HPSE2: variants seen among roughly 807,000 people sequenced by gnomAD.
HPSE2 encodes heparanase 2 (inactive), also known as inactive heparanase-2.
Under a neutral mutation model 60.5 loss-of-function variants are expected in HPSE2, and 38 were observed. That is an observed-to-expected ratio of 0.63 (90% confidence interval 0.48 to 0.82). The LOEUF is 0.82. Among genes scored for constraint, HPSE2 ranks in the 40% least tolerant of loss-of-function variants. The pLI, the probability that HPSE2 is intolerant of heterozygous loss-of-function variation, is 0.00. For missense variants in HPSE2, 713 were observed against 740.4 expected (o/e 0.96, Z 0.43); for synonymous variants, 295 against 293.2 (o/e 1.01, Z -0.06).
At chr10:98,493,362 A>G (rs1333160033) in intron 9 of HPSE2, among the ~76,000 whole-genome samples, 1 of 151,982 alleles carries the variant, frequency 6.6e-6, no homozygotes, top group South Asian at 2.1e-4. Context: ...TTATTTCTGT[A>G]TTGTTTTCTT....
chr10:98,723,781 G>C (rs555243541), intron 4 of HPSE2, among the ~76,000 whole-genome samples: 1 of 152,140 alleles, frequency 6.6e-6, no homozygotes, highest in Non-Finnish European at 1.5e-5. Flanking sequence ...TCTGATGATA[G>C]TTTGTATGTC....
At chr10:99,051,310 C>A (rs1346619856) in intron 3 of HPSE2, among the ~76,000 whole-genome samples, 6 of 152,074 alleles carry the variant, frequency 3.9e-5, no homozygotes, top group Non-Finnish European at 8.8e-5. Context: ...ACAGAACCTG[C>A]AATATTTCCA....
chr10:99,275,948 G>A, the HPSE2 span, among the ~76,000 whole-genome samples: 4 of 152,040 alleles, frequency 2.6e-5, no homozygotes, highest in African/African-American at 9.7e-5. Flanking sequence ...TAATGTTAAT[G>A]ACTTATTAAA....
chr10:98,791,694 T>C (rs1158443639), intron 3 of HPSE2, among the ~76,000 whole-genome samples: 2 of 152,208 alleles, frequency 1.3e-5, no homozygotes, highest in Non-Finnish European at 2.9e-5. Flanking sequence ...TAGCACTTAT[T>C]TCTTTTCAAA....
intron 9 of HPSE2, among the ~76,000 whole-genome samples, chr10:98,560,388 A>T (rs376061854): frequency 4.6e-4 from 70 of 152,356 alleles, no homozygotes; most frequent in Middle Eastern, 6.8e-3. Flanking sequence ...ACAAACAGGC[A>T]GGTGGAGGAA....
chr10:99,159,819 A>T (rs1846749355), intron 2 of HPSE2, among the ~76,000 whole-genome samples: 1 of 152,216 alleles, frequency 6.6e-6, no homozygotes, highest in South Asian at 2.1e-4. Flanking sequence ...ATCGAACTTC[A>T]TCAAGAGTAA....
At chr10:99,144,453 T>C in intron 2 of HPSE2, 54 bp from the exon 3 acceptor site, 1 of 1,589,530 alleles carries the variant, frequency 6.3e-7, no homozygotes, top group Non-Finnish European at 8.6e-7. Context: ...AAACAAAAAA[T>C]AATACATCAT....
intron 2 of HPSE2, among the ~76,000 whole-genome samples, chr10:99,181,802 AACC>A (rs1295421349): frequency 1.3e-5 from 2 of 152,142 alleles, no homozygotes; most frequent in Non-Finnish European, 2.9e-5. Context: ...GGGTGCAGCA[AACC>A]ACCATTGCAC....
intron 4 of HPSE2, among the ~76,000 whole-genome samples, chr10:98,725,595 T>C (rs1949052858): frequency 6.6e-6 from 1 of 152,138 alleles, no homozygotes; most frequent in Non-Finnish European, 1.5e-5. Flanking sequence ...ACTTCATGTC[T>C]AAAACACCAA....
chr10:99,014,504 GTCTTTAGGTC>G (rs1468695089), intron 3 of HPSE2, among the ~76,000 whole-genome samples: 7 of 152,116 alleles, frequency 4.6e-5, no homozygotes, highest in Non-Finnish European at 8.8e-5. Flanking sequence ...AGGTATTTCT[GTCTTTAGGTC>G]TCTGAGGAAT....
chr10:99,278,843 C>T, the HPSE2 span, among the ~76,000 whole-genome samples: 9 of 152,164 alleles, frequency 5.9e-5, no homozygotes, highest in Non-Finnish European at 1.2e-4. Flanking sequence ...AGTAGGTGTT[C>T]AGTAAATGAA....
At chr10:99,303,003 T>C in the HPSE2 span, among the ~76,000 whole-genome samples, 1 of 151,994 alleles carries the variant, frequency 6.6e-6, no homozygotes, top group Non-Finnish European at 1.5e-5. Flanking sequence ...ATTAAAAGTG[T>C]CCAGATTTTT....
intron 3 of HPSE2, among the ~76,000 whole-genome samples, chr10:98,872,193 T>C (rs1258576530): frequency 1.3e-5 from 2 of 151,990 alleles, no homozygotes; most frequent in African/African-American, 2.4e-5. Context: ...AGAGGCTTTT[T>C]CCCCTCACTA....
At chr10:99,167,948 T>C (rs1847149248) in intron 2 of HPSE2, among the ~76,000 whole-genome samples, 2 of 152,106 alleles carry the variant, frequency 1.3e-5, no homozygotes, top group South Asian at 2.1e-4. Flanking sequence ...TCTATACACA[T>C]AAATATATTC....
chr10:99,014,064 C>T, intron 3 of HPSE2: 1 of 185,582 alleles, frequency 5.4e-6, no homozygotes, highest in South Asian at 8.1e-5. Context: ...GCAGCTGCTC[C>T]CGCCCTGGTT....
chr10:98,566,045 T>G (rs868619002), intron 9 of HPSE2, among the ~76,000 whole-genome samples: 7 of 152,186 alleles, frequency 4.6e-5, no homozygotes, highest in South Asian at 2.1e-4. Context: ...GACCTTTTGC[T>G]GCAGTGCCCA....
At chr10:98,819,256 T>G (rs905573603) in intron 3 of HPSE2, among the ~76,000 whole-genome samples, 2 of 152,142 alleles carry the variant, frequency 1.3e-5, no homozygotes, top group South Asian at 4.1e-4. Context: ...ATTCTCACTG[T>G]CCTTATCAAC....
chr10:98,744,392 T>C (rs1308133535), intron 3 of HPSE2, among the ~76,000 whole-genome samples: 1 of 152,072 alleles, frequency 6.6e-6, no homozygotes, highest in African/African-American at 2.4e-5. Context: ...CTGGGCGTGG[T>C]GGTGTATGCC....
rs192364792 is a variant in HPSE2, at chr10:98,793,437, A to G, written c.611-49381T>C. The stretch of plus-strand genomic sequence containing the variant: ...GCTATTCATCTCTAGTTCTTTGTAC[A>G]TATAAATGTATCCATCCATTCAACG... On this transcript the variant is annotated intron_variant, in intron 3 of 11. Coordinates refer to ENST00000370552, the MANE Select transcript of HPSE2 (RefSeq NM_021828.5). Among the ~76,000 whole-genome samples, 58 of 152,344 alleles carry G rather than the reference A, an allele frequency of 3.8e-4. 1 individual carries two copies. The highest frequency in any genetic ancestry group is 7.2e-4 in the Non-Finnish European group (49 of 68,032).
Sources: allele counts gnomAD v4.1 joint callset (sites outside exome capture counted in the v4.1 genomes callset), GRCh38; gene constraint gnomAD v4.1.1; transcripts MANE v1.5; gene names NCBI Gene and HGNC (gene_info 2026-07-23, HGNC 2026-07-21).